Variants in SLC35A1 observed in about 807,000 individuals in gnomAD.
SLC35A1 encodes CMP-sialic acid transporter.
SLC35A1 carries 21 observed loss-of-function variants against 40.3 expected under a neutral mutation model. That is an observed-to-expected ratio of 0.52 (90% CI 0.37 to 0.75). The LOEUF (loss-of-function observed/expected upper bound fraction) is 0.75. SLC35A1 is among the 30% of genes least tolerant of loss of function. The pLI is 0.00. For missense variants in SLC35A1, 297 were observed against 382.1 expected, an observed-to-expected ratio of 0.78 and a Z score of 1.86; for synonymous variants, 146 against 147.3, an observed-to-expected ratio of 0.99 and a Z score of 0.06.
Position 87,477,279 on chromosome 6 carries a change from A to C in SLC35A1, c.17-83A>C. The C allele has an allele frequency of 5.6e-6, 7 of 1,258,580 alleles. No individual in the cohort carries two copies. The South Asian group carries it at 9.3e-5, about 17-fold the overall frequency. The allele number at this position is 1,258,580 out of a possible 1,614,324, so 78.0% of individuals were successfully genotyped here. Reference sequence around the variant, plus strand: ...TATTTTGTGCTTGGAATTGGAAAGTATTTTTAGGCTATAACTAGTTTATTA... The same window carrying C: ...TATTTTGTGCTTGGAATTGGAAAGTCTTTTTAGGCTATAACTAGTTTATTA... On this transcript the variant is annotated intron_variant, in intron 1 of 7. Transcript: ENST00000369552.
At chr6:87,478,652 C>T (rs187047546) in intron 2 of SLC35A1, among the ~76,000 whole-genome samples, 193 of 152,200 alleles carry the variant, frequency 1.3e-3, no homozygotes, top group African/African-American at 4.2e-3. Context: ...GGAAAGATAC[C>T]GAGTGAAAGT....
chr6:87,494,763 A>G (rs1769668499), intron 2 of SLC35A1, among the ~76,000 whole-genome samples: 1 of 152,138 alleles, frequency 6.6e-6, no homozygotes, highest in Non-Finnish European at 1.5e-5. Context: ...CTAAGCTATA[A>G]TTTGGTTGAA....
In SLC35A1 at chr6:87,509,118, G is replaced by C; in HGVS notation, c.829G>C (p.Ala277Pro). 1 of 1,614,122 alleles carries C rather than the reference G, an allele frequency of 6.2e-7. No homozygotes were observed. Among genetic ancestry groups the C allele is most frequent in the Non-Finnish European group, 8.5e-7 (1 of 1,179,976 alleles). Reference protein sequence around the residue: ...TDNIMKGFSAAAAIVLSTIAS... With the variant: ...TDNIMKGFSAPAAIVLSTIAS... ...CAACATCATGAAAGGCTTTTCTGCA[G>C]CAGCGGCCATTGTCCTTTCCACCAT... Residue 277 changes from alanine to proline, a missense_variant, in exon 7 of 8, where the codon GCA (alanine) becomes CCA (proline). Physicochemically the swap from Ala to Pro is conservative, Grantham distance 27. Transcript: ENST00000369552.
chr6:87,497,225 C>T (rs949660386), intron 2 of SLC35A1, among the ~76,000 whole-genome samples: 1 of 150,552 alleles, frequency 6.6e-6, no homozygotes, highest in Non-Finnish European at 1.5e-5. Flanking sequence ...TTCAAAATAT[C>T]TTATGTAACA....
intron 2 of SLC35A1, among the ~76,000 whole-genome samples, chr6:87,483,038 C>G (rs769301859): frequency 1.3e-5 from 2 of 152,174 alleles, no homozygotes; most frequent in Non-Finnish European, 2.9e-5. Context: ...CTTGTTTACA[C>G]TGACAACAAG....
At chr6:87,493,649 A>AC (rs1487299180) in intron 2 of SLC35A1, among the ~76,000 whole-genome samples, 1 of 152,230 alleles carries the variant, frequency 6.6e-6, no homozygotes, top group Non-Finnish European at 1.5e-5. Context: ...AGAATAGATA[A>AC]GGAGTAGTTT....
intron 5 of SLC35A1, 134 bp downstream of exon 5, chr6:87,506,582 TTA>T: frequency 2.6e-6 from 2 of 767,362 alleles, no homozygotes; most frequent in Non-Finnish European, 4.6e-6. Flanking sequence ...ATATTTAGTT[TTA>T]TGTCAGCTGT....
At chr6:87,508,104 A>G (rs1386643640) in intron 5 of SLC35A1, among the ~76,000 whole-genome samples, 1 of 152,162 alleles carries the variant, frequency 6.6e-6, no homozygotes. Context: ...ACTGGCATTA[A>G]GTAGTACAGA....
At chr6:87,479,807 A>G (rs890582238) in intron 2 of SLC35A1, among the ~76,000 whole-genome samples, 3 of 152,230 alleles carry the variant, frequency 2.0e-5, no homozygotes, top group African/African-American at 7.2e-5. Flanking sequence ...ACCCACCAAA[A>G]TATTGACTCA....
At chr6:87,473,490 G>A (rs1488031606) in intron 1 of SLC35A1, among the ~76,000 whole-genome samples, 1 of 152,226 alleles carries the variant, frequency 6.6e-6, no homozygotes, top group East Asian at 1.9e-4. Context: ...CGGCGGCTGG[G>A]CCATGCAACA....
chr6:87,480,970 C>T (rs1408835773), intron 2 of SLC35A1, among the ~76,000 whole-genome samples: 1 of 152,082 alleles, frequency 6.6e-6, no homozygotes, highest in Non-Finnish European at 1.5e-5. Flanking sequence ...TCTTTCTACC[C>T]TTTGATGAGG....
chr6:87,506,283 T>C, intron 4 of SLC35A1, 99 bp from the exon 5 acceptor site: 1 of 918,240 alleles, frequency 1.1e-6, no homozygotes, highest in Non-Finnish European at 1.8e-6. Context: ...AATATACTTT[T>C]AGTAAGACTG....
chr6:87,501,446 C>A (rs1233609854), intron 4 of SLC35A1, 136 bp downstream of exon 4: 1 of 848,290 alleles, frequency 1.2e-6, no homozygotes, highest in African/African-American at 1.7e-5. Context: ...ATAGATAGGC[C>A]TTTTTTCTTT....
intron 2 of SLC35A1, among the ~76,000 whole-genome samples, chr6:87,488,952 G>A (rs1769464247): frequency 6.6e-6 from 1 of 152,216 alleles, no homozygotes; most frequent in Non-Finnish European, 1.5e-5. Context: ...TGGCAATCTA[G>A]GTCAAAGGGC....
intron 7 of SLC35A1, among the ~76,000 whole-genome samples, chr6:87,511,026 C>T (rs1047099281): frequency 6.6e-6 from 1 of 151,980 alleles, no homozygotes; most frequent in Non-Finnish European, 1.5e-5. Context: ...CTGGTTGTCA[C>T]GGAAAAGCCA....
At chr6:87,483,851 C>T (rs887545624) in intron 2 of SLC35A1, among the ~76,000 whole-genome samples, 2 of 151,706 alleles carry the variant, frequency 1.3e-5, no homozygotes, top group African/African-American at 4.9e-5. Flanking sequence ...GAATTAGGCC[C>T]TTCTTAGTGT....
chr6:87,496,527 C>T (rs953817972), intron 2 of SLC35A1, among the ~76,000 whole-genome samples: 23 of 152,028 alleles, frequency 1.5e-4, no homozygotes, highest in African/African-American at 5.5e-4. Flanking sequence ...CGCCTGTAAT[C>T]CAGCACTTTG....
intron 2 of SLC35A1, among the ~76,000 whole-genome samples, chr6:87,481,625 T>TA (rs1769248036): frequency 6.6e-6 from 1 of 152,220 alleles, no homozygotes; most frequent in African/African-American, 2.4e-5. Flanking sequence ...TATTAGTGTA[T>TA]TATTAATATT....
rs181949852 is a variant in SLC35A1 at position 87,474,323 on chromosome 6, T to C, written c.16+1304T>C. Among the ~76,000 whole-genome samples the C allele has an allele frequency of 2.8e-3, 426 of 152,356 alleles. 7 individuals carry two copies. The highest frequency in any genetic ancestry group is 0.026 in the South Asian group (126 of 4,828). ...ATCTGGGACTTACAGAATTTCTAAG[T>C]TCTTAAGTATTACAAATAATGTCCC... On this transcript the variant is annotated intron_variant, in intron 1 of 7. Coordinates refer to ENST00000369552, the MANE Select transcript of SLC35A1 (RefSeq NM_006416.5).
Sources: gnomAD v4.1 joint callset for allele counts (sites outside exome capture counted in the v4.1 genomes callset) on GRCh38, gnomAD v4.1.1 for gene constraint, MANE v1.5 for transcripts, NCBI Gene and HGNC (gene_info 2026-07-23, HGNC 2026-07-21) for gene names.